SULT1E1: variants seen among roughly 807,000 people sequenced by gnomAD.
The protein encoded by SULT1E1 is sulfotransferase family 1E member 1, also known as sulfotransferase 1E1.
A neutral mutation model predicts 33.6 loss-of-function variants in SULT1E1; 36 were observed. That is an observed-to-expected ratio of 1.07 (90% CI 0.82 to 1.41). The LOEUF is 1.41. Among genes scored for constraint, SULT1E1 ranks in the 40% most tolerant of loss-of-function variants. The probability of loss-of-function intolerance (pLI) is 0.00; values close to 1 mark genes in which losing one functional copy is unlikely to be tolerated. For synonymous variants in SULT1E1, 121 were observed against 111.7 expected (o/e 1.08, Z -0.53); for missense variants, 371 against 345.7 (o/e 1.07, Z -0.58).
At chr4:69,828,574 C>T in the SULT1E1 span, among the ~76,000 whole-genome samples, 1 of 152,174 alleles carries the variant, frequency 6.6e-6, no homozygotes, top group Non-Finnish European at 1.5e-5. Flanking sequence ...CCTTTAAGAA[C>T]TGTAACAGTC....
At chr4:69,830,338 C>A in the SULT1E1 span, among the ~76,000 whole-genome samples, 607 of 152,362 alleles carry the variant, frequency 4.0e-3, 4 homozygotes, top group African/African-American at 0.014. Context: ...AATCTTCCAT[C>A]TTCTGCAATG....
downstream of SULT1E1, chr4:69,838,502 G>A (rs1720832457): frequency 6.6e-6 from 1 of 152,206 alleles, no homozygotes; most frequent in African/African-American, 2.4e-5. Context: ...GCTAAGGTAG[G>A]TGTCAGCAAA....
chr4:69,857,816 T>A (rs1040660074), intron 1 of SULT1E1, among the ~76,000 whole-genome samples, 163 bp from the exon 2 acceptor site: 3 of 152,164 alleles, frequency 2.0e-5, no homozygotes, highest in African/African-American at 7.2e-5. Flanking sequence ...TTTTGGTACA[T>A]AGAGAGTTTT....
At chr4:69,850,034 G>T (rs1721070573) in intron 4 of SULT1E1, among the ~76,000 whole-genome samples, 1 of 151,702 alleles carries the variant, frequency 6.6e-6, no homozygotes, top group African/African-American at 2.4e-5. Context: ...AAAAAAAATA[G>T]TTCTGAGGTC....
the SULT1E1 span, among the ~76,000 whole-genome samples, chr4:69,826,413 C>T: frequency 6.6e-6 from 1 of 152,058 alleles, no homozygotes; most frequent in Non-Finnish European, 1.5e-5. Flanking sequence ...ATCCAACATT[C>T]CTCGGTCCTC....
chr4:69,847,863 C>T (rs1269539144), intron 5 of SULT1E1, 71 bp from the exon 6 acceptor site: 7 of 785,762 alleles, frequency 8.9e-6, no homozygotes, highest in Admixed American at 2.2e-5. Flanking sequence ...AGTGTTCAAG[C>T]AACAATAACA....
the SULT1E1 span, among the ~76,000 whole-genome samples, chr4:69,823,864 C>T: frequency 2.2e-5 from 3 of 137,880 alleles, no homozygotes; most frequent in East Asian, 1.9e-4. Context: ...GCTCAGTGGA[C>T]CCCCCCTAGA....
chr4:69,844,779 T>C (rs1303315241), intron 6 of SULT1E1, among the ~76,000 whole-genome samples: 2 of 152,054 alleles, frequency 1.3e-5, no homozygotes, highest in African/African-American at 2.4e-5. Context: ...AGAAAAGGTG[T>C]AAAAAGTCAA....
the SULT1E1 span, among the ~76,000 whole-genome samples, chr4:69,821,578 C>T: frequency 6.6e-6 from 1 of 152,144 alleles, no homozygotes; most frequent in Non-Finnish European, 1.5e-5. Context: ...GTTTCTCTAT[C>T]AATGAAGATC....
At chr4:69,846,891 T>G (rs1286542482) in intron 6 of SULT1E1, among the ~76,000 whole-genome samples, 1 of 151,766 alleles carries the variant, frequency 6.6e-6, no homozygotes, top group Non-Finnish European at 1.5e-5. Flanking sequence ...ATAAGAAAAT[T>G]TTAAGGCCAT....
chr4:69,823,603 G>T, the SULT1E1 span, among the ~76,000 whole-genome samples: 8 of 152,134 alleles, frequency 5.3e-5, no homozygotes, highest in Non-Finnish European at 1.2e-4. Context: ...CGGTGTCTAA[G>T]AGCTGTAGAA....
chr4:69,845,115 CAT>C (rs924020045), intron 6 of SULT1E1, among the ~76,000 whole-genome samples: 74 of 152,118 alleles, frequency 4.9e-4, no homozygotes, highest in Middle Eastern at 3.4e-3. Context: ...TAATTTACCA[CAT>C]GTGTATTTTT....
At chr4:69,843,885 G>A (rs11573792) in intron 7 of SULT1E1, among the ~76,000 whole-genome samples, 4,073 of 152,240 alleles carry the variant, frequency 0.027, 80 homozygotes, top group Non-Finnish European at 0.039. Context: ...ACATAGGCTT[G>A]GTAAATTACA....
At chr4:69,836,768 CTTT>C (rs1361253279), downstream of SULT1E1, among the ~76,000 whole-genome samples, 2 of 151,906 alleles carry the variant, frequency 1.3e-5, no homozygotes, top group African/African-American at 2.4e-5. Flanking sequence ...TTTATTTTGT[CTTT>C]GTTTCTGTAA....
At chr4:69,848,660 CA>C (rs3842002) in intron 5 of SULT1E1, among the ~76,000 whole-genome samples, 40,872 of 151,696 alleles carry the variant, frequency 0.27, 6,050 homozygotes, top group South Asian at 0.43. Flanking sequence ...TATGCTTTAG[CA>C]AAAATTTTCC....
At chr4:69,858,803 T>G (rs909756310) in intron 1 of SULT1E1, among the ~76,000 whole-genome samples, 1 of 152,126 alleles carries the variant, frequency 6.6e-6, no homozygotes, top group Non-Finnish European at 1.5e-5. Context: ...CTAGAAGAAA[T>G]GTGTATAAAA....
At chr4:69,854,381 G>C in intron 3 of SULT1E1, 67 bp from the exon 4 acceptor site, 5 of 934,458 alleles carry the variant, frequency 5.4e-6, no homozygotes, top group Non-Finnish European at 6.4e-6. Context: ...GATTTATATA[G>C]ATATTTGTAA....
chr4:69,842,169 A>G, intron 7 of SULT1E1, 63 bp from the exon 8 acceptor site: 2 of 943,354 alleles, frequency 2.1e-6, no homozygotes, highest in Non-Finnish European at 3.3e-6. Flanking sequence ...TAGGTTTGCT[A>G]ATTTCATCAC....
At chr4:69,847,668 C>A in intron 6 of SULT1E1, 30 bp downstream of exon 6, 2 of 1,387,252 alleles carry the variant, frequency 1.4e-6, no homozygotes, top group Non-Finnish European at 2.0e-6. Context: ...TAGAAATTAC[C>A]AAGTTGCTTA....
Sources: allele counts gnomAD v4.1 joint callset (sites outside exome capture counted in the v4.1 genomes callset), GRCh38; gene constraint gnomAD v4.1.1; transcripts MANE v1.5; gene names NCBI Gene and HGNC (gene_info 2026-07-23, HGNC 2026-07-21).